Variants in TNS3 observed in about 807,000 individuals in gnomAD.
TNS3 encodes the protein tensin-3.
Under a neutral mutation model 140.9 loss-of-function variants are expected in TNS3, and 45 were observed. The observed-to-expected ratio is 0.32, with a 90% CI of 0.25 to 0.41. The LOEUF (loss-of-function observed/expected upper bound fraction) is 0.41, where lower values mean the gene tolerates loss of function less well. Ranked by LOEUF, TNS3 falls within the 10% of genes least tolerant of loss-of-function variation. The pLI, the probability that TNS3 is intolerant of heterozygous loss-of-function variation, is 1.00. For synonymous variants in TNS3, 815 were observed against 788.4 expected (o/e 1.03, Z -0.56); for missense variants, 1,716 against 1,906.7 (o/e 0.90, Z 1.86).
At chr7:47,306,735 C>A (rs995305986) in intron 20 of TNS3, among the ~76,000 whole-genome samples, 1 of 152,174 alleles carries the variant, frequency 6.6e-6, no homozygotes, top group Non-Finnish European at 1.5e-5. Flanking sequence ...CCACCACACC[C>A]GGCTAATTTC....
chr7:47,361,775 G>T (rs912174855), intron 17 of TNS3, among the ~76,000 whole-genome samples: 3 of 152,144 alleles, frequency 2.0e-5, no homozygotes, highest in Non-Finnish European at 2.9e-5. Context: ...GTCTGGGAGG[G>T]ACATTAAATG....
intron 13 of TNS3, among the ~76,000 whole-genome samples, chr7:47,404,641 C>G (rs1344563183): frequency 6.6e-6 from 1 of 151,900 alleles, no homozygotes; most frequent in Non-Finnish European, 1.5e-5. Flanking sequence ...AATCCCAGCA[C>G]TTTGGGAGGC....
At chr7:47,316,029 A>C (rs1228123813) in intron 20 of TNS3, among the ~76,000 whole-genome samples, 1 of 152,012 alleles carries the variant, frequency 6.6e-6, no homozygotes, top group Non-Finnish European at 1.5e-5. Flanking sequence ...TTTGGCCCAT[A>C]AATACACAGT....
chr7:47,532,995 T>C (rs756121822), intron 1 of TNS3, among the ~76,000 whole-genome samples: 1 of 144,212 alleles, frequency 6.9e-6, no homozygotes, highest in Middle Eastern at 3.2e-3. Context: ...GTAGGAGAAA[T>C]AGAAAACAAG....
At chr7:47,471,444 A>G (rs1163243956) in intron 4 of TNS3, among the ~76,000 whole-genome samples, 1 of 146,922 alleles carries the variant, frequency 6.8e-6, no homozygotes, top group Non-Finnish European at 1.5e-5. Context: ...TCAGGATGGA[A>G]TGGAAGGGGG....
In TNS3 at chr7:47,396,825, G is replaced by A. The variant is rs756666455; in HGVS notation, c.999C>T (p.Tyr333=). 4.3e-5 allele frequency: 69 copies of A among 1,614,056 alleles called. 1 individual carries two copies. The highest frequency in any genetic ancestry group is 3.3e-4 in the Middle Eastern group (2 of 6,062). Residue 333 remains tyrosine (Y), a synonymous_variant, in exon 16 of 31, where the codon TAC becomes TAT. Transcript: ENST00000311160. ...TTDPLIRWDS[Y]ENLSADGEVL... ...CTTCTCCATCTGCACTGAGGTTCTC[G>A]TACGAGTCCCAGCGTATCAGTGGGT...
At chr7:47,530,778 G>A (rs1368683312) in intron 1 of TNS3, among the ~76,000 whole-genome samples, 6 of 137,226 alleles carry the variant, frequency 4.4e-5, no homozygotes, top group East Asian at 2.2e-4. Context: ...AGCCGAGATC[G>A]CGCCATTGCA....
intron 27 of TNS3, among the ~76,000 whole-genome samples, chr7:47,287,394 T>A (rs1252250021): frequency 6.6e-6 from 1 of 152,192 alleles, no homozygotes; most frequent in East Asian, 1.9e-4. Flanking sequence ...TATTTCTGAG[T>A]TTCAGCTTCC....
intron 17 of TNS3, among the ~76,000 whole-genome samples, chr7:47,353,472 T>A (rs1789803794): frequency 6.6e-6 from 1 of 152,242 alleles, no homozygotes. Context: ...TATGATGTTC[T>A]ATCATTGCAG....
At chr7:47,369,865 C>T (rs1363288971) in intron 16 of TNS3, among the ~76,000 whole-genome samples, 1 of 152,190 alleles carries the variant, frequency 6.6e-6, no homozygotes, top group Non-Finnish European at 1.5e-5. Flanking sequence ...CCATGCAAAA[C>T]AAATTGTCAT....
intron 17 of TNS3, among the ~76,000 whole-genome samples, chr7:47,367,982 G>A (rs560332908): frequency 2.6e-5 from 4 of 152,154 alleles, no homozygotes; most frequent in East Asian, 1.9e-4. Context: ...GACCTATACC[G>A]CAGGGACAGA....
At chr7:47,514,266 T>C (rs1182652550) in intron 2 of TNS3, among the ~76,000 whole-genome samples, 1 of 152,240 alleles carries the variant, frequency 6.6e-6, no homozygotes, top group African/African-American at 2.4e-5. Context: ...GACCCCATTG[T>C]TGCCTTGTTA....
At chr7:47,329,747 G>A (rs1046495650) in intron 20 of TNS3, among the ~76,000 whole-genome samples, 19 of 152,152 alleles carry the variant, frequency 1.2e-4, no homozygotes, top group Admixed American at 3.9e-4. Context: ...AAGGCGGCAC[G>A]GGGCGGCACC....
chr7:47,410,474 G>A (rs998679714), intron 13 of TNS3, among the ~76,000 whole-genome samples: 1 of 152,192 alleles, frequency 6.6e-6, no homozygotes, highest in Non-Finnish European at 1.5e-5. Flanking sequence ...CAATTAGGTG[G>A]TGAGCATGTG....
rs770773276 is a variant in TNS3, at chr7:47,303,203, G to A, written c.3204C>T (p.His1068=). 3.7e-6 allele frequency: 6 copies of A among 1,613,662 alleles called. No homozygotes were observed. The highest frequency in any genetic ancestry group is 4.2e-6 in the Non-Finnish European group (5 of 1,180,022). The change falls in exon 22 of 31, where the codon CAC becomes CAT. Residue 1068 remains histidine (H), a synonymous_variant. Transcript: ENST00000311160. ...GTCCAGGCGCCACCGTGAGAAAGTT[G>A]TGGGACAGGAAGCCATTGTCGGCAG... ...TGAADNGFLS[H]NFLTVAPGHS...
At chr7:47,428,406 C>G (rs774960286) in intron 8 of TNS3, 30 bp from the exon 9 acceptor site, 2 of 1,377,472 alleles carry the variant, frequency 1.5e-6, no homozygotes, top group African/African-American at 1.5e-5. Flanking sequence ...AGCTGATTTT[C>G]TCTGAAATCC....
chr7:47,535,371 C>T (rs1799562742), intron 1 of TNS3, among the ~76,000 whole-genome samples: 1 of 152,008 alleles, frequency 6.6e-6, no homozygotes, highest in Non-Finnish European at 1.5e-5. Flanking sequence ...AGCACTGTTG[C>T]GAGGGCTCAG....
Position 47,339,279 on chromosome 7 carries a change from A to G in TNS3, c.2650+5476T>C, listed in dbSNP as rs541961743. The stretch of plus-strand genomic sequence containing the variant: ...GTCCTAACCTCATAACTCTTTGCCT[A>G]GTGATCCCAAAGATTTTCTCCCATT... On this transcript the variant is annotated intron_variant, in intron 20 of 30. Coordinates refer to ENST00000311160, the MANE Select transcript of TNS3 (RefSeq NM_022748.12). Among the ~76,000 whole-genome samples, 102 of 152,288 alleles carry G rather than the reference A, an allele frequency of 6.7e-4. 1 individual carries two copies. The highest frequency in any genetic ancestry group is 2.3e-3 in the African/African-American group (97 of 41,540).
intron 13 of TNS3, among the ~76,000 whole-genome samples, chr7:47,401,567 AG>A (rs1310456082): frequency 6.6e-6 from 1 of 152,204 alleles, no homozygotes; most frequent in Non-Finnish European, 1.5e-5. Flanking sequence ...TGAGGTCCCC[AG>A]GGTGCAGCTC....
Sources: allele counts gnomAD v4.1 joint callset (sites outside exome capture counted in the v4.1 genomes callset), GRCh38; gene constraint gnomAD v4.1.1; transcripts MANE v1.5; gene names NCBI Gene and HGNC (gene_info 2026-07-23, HGNC 2026-07-21).